Variants in TMCC3 observed in about 807,000 individuals in gnomAD.
The protein encoded by TMCC3 is transmembrane and coiled-coil domain protein 3.
TMCC3 carries 28 observed loss-of-function variants against 40.2 expected under a neutral mutation model. That is an observed-to-expected ratio of 0.70 (90% CI 0.52 to 0.95). The LOEUF (loss-of-function observed/expected upper bound fraction) is 0.95. TMCC3 is among the 40% of genes least tolerant of loss of function. The pLI is 0.00. For missense variants in TMCC3, 554 were observed against 615.2 expected (o/e 0.90, Z 1.05); for synonymous variants, 255 against 248.5 (o/e 1.03, Z -0.25).
chr12:94,572,031 T>C lies in TMCC3; in HGVS notation c.1132-294A>G, dbSNP rs973828803. On this transcript the variant is annotated intron_variant, in intron 3 of 3. Transcript: ENST00000261226. ...ACCTGTTTTTTTTGAGATGTAGTCT[T>C]GCTCTGTCGCCAGGCTGGAGTGCAG... Among the ~76,000 whole-genome samples the C allele has an allele frequency of 9.2e-5, 14 of 152,308 alleles. No individual in the cohort carries two copies. The East Asian group carries it at 2.1e-3, about 23-fold the overall frequency.
At chr12:94,596,696 T>C (rs762157930) in intron 1 of TMCC3, among the ~76,000 whole-genome samples, 8 of 152,174 alleles carry the variant, frequency 5.3e-5, no homozygotes, top group Non-Finnish European at 1.2e-4. Flanking sequence ...TGCTCCACAC[T>C]CTTTCCTCAA....
chr12:94,601,450 G>A (rs757731831), intron 1 of TMCC3, among the ~76,000 whole-genome samples: 4 of 152,042 alleles, frequency 2.6e-5, no homozygotes, highest in Non-Finnish European at 2.9e-5. Flanking sequence ...CCTGGGAGGC[G>A]GAGATTGCAG....
At position 94,593,398 on chromosome 12, in the gene TMCC3, A is replaced by AAAGAAGAAGAAAGAAGAAGAAGG. The variant is rs1555282852; in HGVS notation, c.79-10861_79-10860insCCTTCTTCTTCTTTCTTCTTCTT. On this transcript the variant is annotated intron_variant, in intron 1 of 3. Transcript: ENST00000261226. ...GAAAAGAAAAGAAAGAAGAAAGAAG[A>AAAGAAGAAGAAAGAAGAAGAAGG]AAGAAGAAGAAGGAAGAAGAAGAAG... Among the ~76,000 whole-genome samples, 26 of 48,152 alleles carry AAAGAAGAAGAAAGAAGAAGAAGG rather than the reference A, an allele frequency of 5.4e-4. 7 individuals are homozygous for AAAGAAGAAGAAAGAAGAAGAAGG. Among genetic ancestry groups the AAAGAAGAAGAAAGAAGAAGAAGG allele is most frequent in the African/African-American group, 1.9e-3 (25 of 13,452 alleles). 31.6% of individuals were successfully genotyped at this position (48,152 alleles called of 152,430 possible).
At position 94,571,696 on chromosome 12, in the gene TMCC3, C is replaced by T; in HGVS notation, c.1173G>A (p.Glu391=). ...GAGCTTGCTGCTCTTGCTGGTGGAG[C>T]TCCAGCTTAGAAATGCGAGTCTGGC... ...ESCQTRISKL[E]LHQQEQQALQ... The change falls in exon 4 of 4, where the codon GAG becomes GAA. Residue 391 remains glutamate, a synonymous_variant. Transcript: ENST00000261226. 1 of 1,614,120 alleles carries T rather than the reference C, an allele frequency of 6.2e-7. No individual in the cohort carries two copies. The highest frequency in any genetic ancestry group is 8.5e-7 in the Non-Finnish European group (1 of 1,180,008).
In TMCC3 at chr12:94,568,537, C is replaced by T. The variant is rs930102180; in HGVS notation, c.*2898G>A. The T allele has an allele frequency of 1.3e-5, 2 of 152,190 alleles. No individual in the cohort carries two copies. The highest frequency in any genetic ancestry group is 6.5e-5 in the Admixed American group (1 of 15,290). 9.4% of individuals were successfully genotyped at this position (152,190 alleles called of 1,614,324 possible). ...GGGAAAGGATTATAGTTGACACAAA[C>T]ATAAATTAAATATCCAATTCCAGCA... On this transcript the variant is annotated 3_prime_UTR_variant, in exon 4 of 4. Coordinates refer to ENST00000261226, the MANE Select transcript of TMCC3 (RefSeq NM_020698.4).
At chr12:94,647,767 G>C (rs1008730882) in intron 1 of TMCC3, among the ~76,000 whole-genome samples, 1 of 152,160 alleles carries the variant, frequency 6.6e-6, no homozygotes, top group Non-Finnish European at 1.5e-5. Context: ...CAGGAGCTAC[G>C]ATCATTTAAA....
chr12:94,591,854 C>G (rs1380901874), intron 1 of TMCC3, among the ~76,000 whole-genome samples: 3 of 152,218 alleles, frequency 2.0e-5, no homozygotes, highest in African/African-American at 7.2e-5. Context: ...TGCAAAATGT[C>G]TAGCCAGAGT....
At chr12:94,574,813 A>G (rs1340535222) in intron 3 of TMCC3, among the ~76,000 whole-genome samples, 1 of 152,246 alleles carries the variant, frequency 6.6e-6, no homozygotes, top group Non-Finnish European at 1.5e-5. Flanking sequence ...AGGTGATGGA[A>G]CAAGACAAAA....
In TMCC3 at chr12:94,582,078, C is replaced by T. The variant is rs80209982; in HGVS notation, c.539G>A (p.Cys180Tyr). The change falls in exon 2 of 4, where the codon TGC becomes TAC. Residue 180 changes from cysteine (C) to tyrosine (Y), a missense_variant. Coordinates refer to ENST00000261226, the MANE Select transcript of TMCC3 (RefSeq NM_020698.4). ...CATGCCCGATTTGCTGCTCTCCATGCAATGGGGGGCAGTTCGAGATTTCAC... is the reference window on the plus strand; with the variant it reads ...CATGCCCGATTTGCTGCTCTCCATGTAATGGGGGGCAGTTCGAGATTTCAC... ...AHVKSRTAPH[C>Y]MESSKSGMPG... The T allele has an allele frequency of 1.3e-3, 2,041 of 1,614,158 alleles. 32 individuals are homozygous for T. The African/African-American group carries it at 0.024, about 19-fold the overall frequency.
intron 2 of TMCC3, among the ~76,000 whole-genome samples, chr12:94,579,355 A>G (rs1477924446): frequency 1.3e-5 from 2 of 152,088 alleles, no homozygotes; most frequent in African/African-American, 4.8e-5. Context: ...AAAAATACAA[A>G]AATTAGCTGG....
chr12:94,600,821 T>A (rs76094035), intron 1 of TMCC3, among the ~76,000 whole-genome samples: 1 of 152,216 alleles, frequency 6.6e-6, no homozygotes, highest in Non-Finnish European at 1.5e-5. Flanking sequence ...CTCTTTGTTT[T>A]ATCATCTTTG....
intron 2 of TMCC3, 50 bp from the exon 3 acceptor site, chr12:94,578,579 T>C: frequency 6.4e-7 from 1 of 1,572,884 alleles, no homozygotes; most frequent in Non-Finnish European, 8.7e-7. Context: ...CAGCACATTG[T>C]GGAACGATGT....
Position 94,582,485 on chromosome 12 carries a change from C to T in TMCC3, c.132G>A (p.Gly44=). The change falls in exon 2 of 4, where the codon GGG becomes GGA. Residue 44 remains glycine (G), a synonymous_variant. Transcript: ENST00000261226. ...CAAAGTTGAGGTTGGTGTCTGACCC[C>T]CCTCGGCGTATGTTCAGGGGCAGGC... The part of the protein sequence containing the change: ...TLSLPLNIRR[G]GSDTNLNFDV... 1 of 1,613,728 alleles carries T rather than the reference C, an allele frequency of 6.2e-7. No individual in the cohort carries two copies. Among genetic ancestry groups the T allele is most frequent in the Non-Finnish European group, 8.5e-7 (1 of 1,179,988 alleles).
At chr12:94,594,711 C>A (rs7301498) in intron 1 of TMCC3, among the ~76,000 whole-genome samples, 54,424 of 152,008 alleles carry the variant, frequency 0.36, 9,963 homozygotes, top group Admixed American at 0.44. Context: ...AGAAAAGAGG[C>A]CAAGCCTGGG....
intron 1 of TMCC3, among the ~76,000 whole-genome samples, chr12:94,623,106 T>A (rs1361626027): frequency 6.6e-6 from 1 of 152,180 alleles, no homozygotes; most frequent in Non-Finnish European, 1.5e-5. Context: ...GCTGCCAAAT[T>A]GCAATATTCA....
At position 94,650,265 on chromosome 12, in the gene TMCC3, G is replaced by A. The variant is rs559421154; in HGVS notation, c.78+88C>T. Reference sequence around the variant, plus strand: ...GGAGGGCGGCGGCGAAACGCCGGGGGCGCGTGGGTTAGCACTGAGCCGCCG... The same window carrying A: ...GGAGGGCGGCGGCGAAACGCCGGGGACGCGTGGGTTAGCACTGAGCCGCCG... On this transcript the variant is annotated intron_variant, in intron 1 of 3. Transcript: ENST00000261226. The A allele has an allele frequency of 9.9e-5, 82 of 827,346 alleles. No homozygotes were observed. The East Asian group carries it at 3.2e-3, about 32-fold the overall frequency. The allele number at this position is 827,346 out of a possible 1,614,324, so 51.3% of individuals were successfully genotyped here.
At chr12:94,598,366 T>C (rs1262499708) in intron 1 of TMCC3, among the ~76,000 whole-genome samples, 1 of 66,412 alleles carries the variant, frequency 1.5e-5, no homozygotes, top group Non-Finnish European at 2.8e-5. Context: ...ACTCAAATCA[T>C]TGTGCTACCA....
intron 1 of TMCC3, among the ~76,000 whole-genome samples, chr12:94,628,061 G>A (rs1039101148): frequency 1.3e-5 from 2 of 152,190 alleles, no homozygotes; most frequent in African/African-American, 4.8e-5. Context: ...CACATAGCCC[G>A]CTCCTGACTT....
At chr12:94,596,660 C>G (rs1041174478) in intron 1 of TMCC3, among the ~76,000 whole-genome samples, 38 of 152,106 alleles carry the variant, frequency 2.5e-4, no homozygotes, top group African/African-American at 8.4e-4. Flanking sequence ...GAAGGATCAT[C>G]TATCATCTAC....
Sources: gnomAD v4.1 joint callset for allele counts (sites outside exome capture counted in the v4.1 genomes callset) on GRCh38, gnomAD v4.1.1 for gene constraint, MANE v1.5 for transcripts, NCBI Gene and HGNC (gene_info 2026-07-23, HGNC 2026-07-21) for gene names.